Variants in MID1 observed in about 807,000 individuals in gnomAD.
The protein encoded by MID1 is midline 1.
MID1 carries 7 observed loss-of-function variants against 40.4 expected under a neutral mutation model. The ratio of observed to expected loss-of-function variants is 0.17; its 90% CI spans 0.10 to 0.33. MID1 has a LOEUF of 0.33. Ranked by LOEUF, MID1 falls within the 10% of genes least tolerant of loss-of-function variation. The pLI is 1.00. For synonymous variants in MID1, 229 were observed against 221.2 expected (o/e 1.04, Z -0.31); for missense variants, 367 against 558.5 (o/e 0.66, Z 3.46).
intron 3 of MID1, among the ~76,000 whole-genome samples, chrX:10,518,343 G>A (rs1202596897): frequency 8.9e-6 from 1 of 111,750 alleles, no homozygotes; most frequent in Non-Finnish European, 1.9e-5. Flanking sequence ...ACTCTGCGAA[G>A]TTAGATGTTA....
intron 1 of MID1, among the ~76,000 whole-genome samples, chrX:10,659,777 A>G (rs2042898882): frequency 9.0e-6 from 1 of 111,697 alleles, no homozygotes; most frequent in South Asian, 3.8e-4. Context: ...GTTTAATCAC[A>G]GCTTTGATAA....
chrX:10,530,648 C>T, intron 2 of MID1, among the ~76,000 whole-genome samples: 1 of 112,503 alleles, frequency 8.9e-6, no homozygotes, highest in Non-Finnish European at 1.9e-5. Flanking sequence ...CTTATTTGAG[C>T]TGATAATTGA....
intron 1 of MID1, among the ~76,000 whole-genome samples, chrX:10,657,851 G>A (rs1288569148): frequency 8.9e-6 from 1 of 112,132 alleles, no homozygotes; most frequent in African/African-American, 3.2e-5. Context: ...AAAGCACAGA[G>A]TTTAAATTGG....
intron 1 of MID1, among the ~76,000 whole-genome samples, chrX:10,763,793 G>C: frequency 8.9e-6 from 1 of 111,784 alleles, no homozygotes. Context: ...CAGTGTAAAA[G>C]TGTTCCTATT....
intron 1 of MID1, among the ~76,000 whole-genome samples, chrX:10,803,541 C>T (rs962849320): frequency 4.5e-5 from 5 of 109,971 alleles, no homozygotes; most frequent in Non-Finnish European, 7.6e-5. Flanking sequence ...TTAGTAGAGA[C>T]GGGGTTTCAT....
chrX:10,802,267 T>G (rs2044013344), intron 1 of MID1, among the ~76,000 whole-genome samples: 1 of 111,366 alleles, frequency 9.0e-6, no homozygotes, highest in Non-Finnish European at 1.9e-5. Context: ...GGAGAAAATA[T>G]TCACAAACTA....
intron 1 of MID1, among the ~76,000 whole-genome samples, chrX:10,816,331 G>A (rs1426350514): frequency 8.9e-6 from 1 of 111,914 alleles, no homozygotes; most frequent in East Asian, 2.8e-4. Context: ...CGCATTCACT[G>A]TTTGTTTCTA....
chrX:10,696,719 C>T lies in MID1; in HGVS notation c.-186-76300G>A, dbSNP rs147727729. 7.6e-3 allele frequency among the ~76,000 whole-genome samples: 850 copies of T among 111,826 alleles called. 3 individuals are homozygous for T. The highest frequency in any genetic ancestry group is 0.012 in the Non-Finnish European group (621 of 53,167). On this transcript the variant is annotated intron_variant, in intron 1 of 10. Transcript: ENST00000380785. ...ATTAATTTTAATTGTTTTAATGTTG[C>T]TACCTGAAAAATTTTAATACATATG...
At position 10,458,398 on chromosome X, in the gene MID1, C is replaced by T. The variant is rs890192296; in HGVS notation, c.1447+1248G>A. On this transcript the variant is annotated intron_variant, in intron 8 of 9. Coordinates refer to ENST00000317552, the MANE Select transcript of MID1 (RefSeq NM_000381.4). ...CATTGTGGGATCCTGGATTGGGTCCCGGAATAGGAAAGGAACATTAGTGGA... is the reference window on the plus strand; with the variant it reads ...CATTGTGGGATCCTGGATTGGGTCCTGGAATAGGAAAGGAACATTAGTGGA... Among the ~76,000 whole-genome samples the T allele has an allele frequency of 3.6e-5, 4 of 111,214 alleles. No homozygotes were observed. The East Asian group carries it at 8.5e-4, about 24-fold the overall frequency.
In MID1 at chrX:10,639,859, T is replaced by C. The variant is rs1290729855; in HGVS notation, c.-186-19440A>G. On this transcript the variant is annotated intron_variant, in intron 1 of 10. Coordinates refer to the MID1 transcript ENST00000380785. ...AGCCAGAAGGGAGTGAGGGCCAATA[T>C]TCAACATTCTTGAAGAAAAGAATTT... Among the ~76,000 whole-genome samples, 3 of 111,912 alleles carry C rather than the reference T, an allele frequency of 2.7e-5. 1 individual carries two copies. Among genetic ancestry groups the C allele is most frequent in the Non-Finnish European group, 5.6e-5 (3 of 53,234 alleles).
At chrX:10,609,156 T>C (rs778920268) in intron 1 of MID1, among the ~76,000 whole-genome samples, 1 of 107,003 alleles carries the variant, frequency 9.3e-6, no homozygotes, top group Admixed American at 1.0e-4. Flanking sequence ...CACACGTGCA[T>C]ACACACACAC....
intron 1 of MID1, among the ~76,000 whole-genome samples, chrX:10,597,063 TG>T (rs1339438063): frequency 3.3e-4 from 37 of 110,747 alleles, no homozygotes; most frequent in African/African-American, 1.1e-3. Context: ...AGAGAGAGAA[TG>T]GCTAACTTTT....
At chrX:10,582,020 C>T (rs989254814) in intron 1 of MID1, among the ~76,000 whole-genome samples, 6 of 111,921 alleles carry the variant, frequency 5.4e-5, no homozygotes, top group Admixed American at 9.5e-5. Flanking sequence ...TTCATGAATG[C>T]TGGCAGAAGA....
rs199868479 is a variant in MID1 at position 10,671,705 on chromosome X, ACTT to A, written c.-186-51289_-186-51287del. Among the ~76,000 whole-genome samples, 999 of 110,542 alleles carry A rather than the reference ACTT, an allele frequency of 9.0e-3. 16 individuals are homozygous for A. Among genetic ancestry groups the A allele is most frequent in the African/African-American group, 0.032 (957 of 30,307 alleles). ...ATGCACTGTCCTTAGTATTTCTCAA[ACTT>A]CTTGTCCTTTTCTCTACAGATTCTC... is the stretch of plus-strand genomic sequence containing the variant. On this transcript the variant is annotated intron_variant, in intron 1 of 10. Transcript: ENST00000380785.
intron 1 of MID1, among the ~76,000 whole-genome samples, chrX:10,820,792 C>G (rs1471583448): frequency 8.9e-6 from 1 of 112,118 alleles, no homozygotes; most frequent in East Asian, 2.8e-4. Flanking sequence ...CATTCCCCGA[C>G]CACTCTGAGC....
intron 1 of MID1, among the ~76,000 whole-genome samples, chrX:10,569,684 G>C (rs1265246930): frequency 8.9e-6 from 1 of 111,955 alleles, no homozygotes; most frequent in Non-Finnish European, 1.9e-5. Context: ...TGTCTGGAGA[G>C]CTATGATGAC....
intron 1 of MID1, among the ~76,000 whole-genome samples, chrX:10,637,919 C>A (rs1488412935): frequency 8.9e-6 from 1 of 112,023 alleles, no homozygotes; most frequent in African/African-American, 3.2e-5. Context: ...CTCTGTACTA[C>A]CTTTGCAACT....
At chrX:10,786,688 A>G (rs1957735665) in intron 1 of MID1, among the ~76,000 whole-genome samples, 1 of 109,597 alleles carries the variant, frequency 9.1e-6, no homozygotes, top group African/African-American at 3.3e-5. Flanking sequence ...GAAGCTGGAA[A>G]CCATCATTCT....
intron 1 of MID1, among the ~76,000 whole-genome samples, chrX:10,641,839 C>T (rs1471710656): frequency 9.0e-6 from 1 of 111,694 alleles, no homozygotes; most frequent in Non-Finnish European, 1.9e-5. Context: ...GGCTTCATCC[C>T]TGGGATGCAA....
Sources: gnomAD v4.1 joint callset for allele counts (sites outside exome capture counted in the v4.1 genomes callset) on GRCh38, gnomAD v4.1.1 for gene constraint, MANE v1.5 for transcripts, NCBI Gene and HGNC (gene_info 2026-07-23, HGNC 2026-07-21) for gene names.